Variants in CAMKV observed in about 807,000 individuals in gnomAD.
CAMKV encodes the protein CaM kinase like vesicle associated, also known as caM kinase-like vesicle-associated protein.
Under a neutral mutation model 50.2 loss-of-function variants are expected in CAMKV, and 5 were observed. The ratio of observed to expected loss-of-function variants is 0.10; its 90% CI spans 0.05 to 0.21. CAMKV has a LOEUF of 0.21. CAMKV is among the 10% of genes least tolerant of loss of function. CAMKV has a pLI of 1.00. For synonymous variants in CAMKV, 229 were observed against 250.1 expected (o/e 0.92, Z 0.80); for missense variants, 361 against 650.5 (o/e 0.55, Z 4.84).
At position 49,861,266 on chromosome 3, in the gene CAMKV, T is replaced by C; in HGVS notation, c.476A>G (p.Asn159Ser). 7 of 1,614,008 alleles carry C rather than the reference T, an allele frequency of 4.3e-6. No individual in the cohort carries two copies. Among genetic ancestry groups the C allele is most frequent in the Non-Finnish European group, 5.9e-6 (7 of 1,179,986 alleles). ...GAAGTCACTGATGACAATCTTCGAG[T>C]TCTTCAGCCGGTTGTAGTAAACCAG... Reference protein sequence around the residue: ...ENLVYYNRLKNSKIVISDFHL... With the variant: ...ENLVYYNRLKSSKIVISDFHL... The change falls in exon 6 of 11, where the codon AAC (asparagine) becomes AGC (serine). Residue 159 changes from asparagine to serine, a missense_variant. Physicochemically the swap from Asn to Ser is conservative, Grantham distance 46. Coordinates refer to ENST00000477224, the MANE Select transcript of CAMKV (RefSeq NM_024046.5). The surrounding 1 kb of genome is among the most constrained non-coding windows in gnomAD (Gnocchi z 7.7).
chr3:49,859,605 C>T lies in CAMKV; in HGVS notation c.1219G>A (p.Asp407Asn), dbSNP rs756893325. 9 of 1,614,028 alleles carry T rather than the reference C, an allele frequency of 5.6e-6. No individual in the cohort carries two copies. Among genetic ancestry groups the T allele is most frequent in the Admixed American group, 3.3e-5 (2 of 60,016 alleles). ...ATDGSVTPAT[D>N]GSITPATDGS... Reference sequence around the variant, plus strand: ...TCAGTGGCTGGAGTGATGCTTCCATCGGTGGCTGGGGTGACACTGCCATCA... The same window carrying T: ...TCAGTGGCTGGAGTGATGCTTCCATTGGTGGCTGGGGTGACACTGCCATCA... Residue 407 changes from aspartate to asparagine, a missense_variant, in exon 11 of 11, where the codon GAT becomes AAT. Around this residue, in one of 4 missense-constraint regions of CAMKV, gnomAD observed 27 missense variants for 59.9 expected, o/e 0.45. Coordinates refer to ENST00000477224, the MANE Select transcript of CAMKV (RefSeq NM_024046.5). This position sits in a 1 kb window ranked among gnomAD's most constrained non-coding sequence, Gnocchi z 5.5.
Position 49,859,871 on chromosome 3 carries a change from C to T in CAMKV, c.953G>A (p.Arg318Gln), listed in dbSNP as rs1191733979. The T allele has an allele frequency of 2.6e-6, 4 of 1,511,710 alleles. No individual in the cohort carries two copies. Among genetic ancestry groups the T allele is most frequent in the African/African-American group, 1.4e-5 (1 of 71,964 alleles). 93.6% of individuals were successfully genotyped at this position (1,511,710 alleles called of 1,614,324 possible). ...GAGCCGTTTCATGAGGGTGGTCACTCGGACAGCCTTCTGAAAGGAGCACAG... is the reference window on the plus strand; with the variant it reads ...GAGCCGTTTCATGAGGGTGGTCACTTGGACAGCCTTCTGAAAGGAGCACAG... ...FARAKWKKAV[R>Q]VTTLMKRLRA... Residue 318 changes from arginine to glutamine, a missense_variant, in exon 11 of 11, where the codon CGA (arginine) becomes CAA (glutamine). This residue lies in a region of CAMKV where 172 missense variants were observed against 414.3 expected (regional missense o/e 0.42). Transcript: ENST00000477224. This position sits in a 1 kb window ranked among gnomAD's most constrained non-coding sequence, Gnocchi z 5.5.
rs765497129 is a variant in CAMKV at position 49,862,251 on chromosome 3, C to T, written c.95+43G>A. On this transcript the variant is annotated intron_variant, in intron 2 of 10. Transcript: ENST00000477224. The surrounding 1 kb of genome is among the most constrained non-coding windows in gnomAD (Gnocchi z 5.2). ...TCCACTGCCACTTCCCTAGCCCCTG[C>T]TCACCAGCCCACCCAGCCTTGCCTG... The T allele has an allele frequency of 2.4e-5, 39 of 1,614,018 alleles. No homozygotes were observed. The highest frequency in any genetic ancestry group is 1.3e-5 in the African/African-American group (1 of 74,946).
rs1559455721 is a variant in CAMKV, at chr3:49,859,628, T to C, written c.1196A>G (p.Asp399Gly). 1.2e-6 allele frequency: 2 copies of C among 1,613,948 alleles called. No homozygotes were observed. Among genetic ancestry groups the C allele is most frequent in the Non-Finnish European group, 1.7e-6 (2 of 1,179,996 alleles). The change falls in exon 11 of 11, where the codon GAT (aspartate) becomes GGT (glycine). Residue 399 changes from aspartate to glycine, a missense_variant. Transcript: ENST00000477224. This position sits in a 1 kb window ranked among gnomAD's most constrained non-coding sequence, Gnocchi z 5.5. Reference protein sequence around the residue: ...ATDGSATPATDGSVTPATDGS... With the variant: ...ATDGSATPATGGSVTPATDGS... ...ATCGGTGGCTGGGGTGACACTGCCA[T>C]CAGTGGCTGGGGTGGCACTTCCATC...
rs2082087257 is a variant in CAMKV at position 49,869,175 on chromosome 3, G to A, written c.-15+583C>T. On this transcript the variant is annotated intron_variant, in intron 1 of 10. Transcript: ENST00000477224. The surrounding 1 kb of genome is among the most constrained non-coding windows in gnomAD (Gnocchi z 5.2). ...CGCACCTCCCAGCAGGAACATGTGC[G>A]CCCCCACCCCCACCGTGCACGTGGG... Among the ~76,000 whole-genome samples, 1 of 152,120 alleles carries A rather than the reference G, an allele frequency of 6.6e-6. No homozygotes were observed.
chr3:49,859,329 C>T lies in CAMKV; in HGVS notation c.1495G>A (p.Glu499Lys). Residue 499 changes from glutamate (E) to lysine (K), a missense_variant, in exon 11 of 11, where the codon GAG (glutamate) becomes AAG (lysine). Glu to Lys is a moderately conservative substitution (Grantham distance 56). Transcript: ENST00000477224. This position sits in a 1 kb window ranked among gnomAD's most constrained non-coding sequence, Gnocchi z 5.5. ...ACCAGGCTGCCTACTCAGCTGGCCT[C>T]CTCCCTTTGAGACTCCTGGGCATAA... ...AGYAQESQRE[E>K]AS 1 of 1,529,846 alleles carries T rather than the reference C, an allele frequency of 6.5e-7. No homozygotes were observed. The highest frequency in any genetic ancestry group is 1.4e-5 in the African/African-American group (1 of 72,608). The allele number at this position is 1,529,846 out of a possible 1,614,324, so 94.8% of individuals were successfully genotyped here.
chr3:49,861,880 G>T lies in CAMKV; in HGVS notation c.228-15C>A. On this transcript the variant is annotated splice_polypyrimidine_tract_variant and intron_variant, in intron 3 of 10. Coordinates refer to ENST00000477224, the MANE Select transcript of CAMKV (RefSeq NM_024046.5). This position sits in a 1 kb window ranked among gnomAD's most constrained non-coding sequence, Gnocchi z 7.7. Reference sequence around the variant, plus strand: ...GATGCTTCACCCTGGCGACAGGGAGGGGAGCCAGTAGTTAGGGCTGGATGA... The same window carrying T: ...GATGCTTCACCCTGGCGACAGGGAGTGGAGCCAGTAGTTAGGGCTGGATGA... The T allele has an allele frequency of 6.2e-7, 1 of 1,613,340 alleles. No homozygotes were observed. Among genetic ancestry groups the T allele is most frequent in the South Asian group, 1.1e-5 (1 of 91,026 alleles).
At chr3:49,865,740 A>G (rs1013394710) in intron 1 of CAMKV, among the ~76,000 whole-genome samples, 1 of 152,178 alleles carries the variant, frequency 6.6e-6, no homozygotes, top group African/African-American at 2.4e-5. Context: ...ATTGTCCAAA[A>G]CAATCCTGAT....
At chr3:49,865,764 A>C (rs951691186) in intron 1 of CAMKV, among the ~76,000 whole-genome samples, 3 of 152,172 alleles carry the variant, frequency 2.0e-5, no homozygotes, top group South Asian at 4.1e-4. Flanking sequence ...CGAAGGCCAG[A>C]CTCAAAATGG....
In CAMKV at chr3:49,860,509, G is replaced by A. The variant is rs760041827; in HGVS notation, c.816C>T (p.Asp272=). ...TGGCCTCTTCTGCAGTGATCCGCTG[G>A]TCTTGCTCCACCTCCATCAGCCTTG... ...LVTRLMEVEQ[D]QRITAEEAIS... is the part of the protein sequence containing the mutation. The change falls in exon 9 of 11, where the codon GAC becomes GAT. Residue 272 remains aspartate, a synonymous_variant. Coordinates refer to ENST00000477224, the MANE Select transcript of CAMKV (RefSeq NM_024046.5). The surrounding 1 kb of genome is among the most constrained non-coding windows in gnomAD (Gnocchi z 6.1). 7 of 1,613,560 alleles carry A rather than the reference G, an allele frequency of 4.3e-6. No individual in the cohort carries two copies. In the East Asian group the frequency reaches 1.3e-4, roughly 31 times the overall value.
rs937501499 is a variant in CAMKV at position 49,862,383 on chromosome 3, C to T, written c.6G>A (p.Pro2=). 12 of 1,614,020 alleles carry T rather than the reference C, an allele frequency of 7.4e-6. No homozygotes were observed. Among genetic ancestry groups the T allele is most frequent in the South Asian group, 4.4e-5 (4 of 91,096 alleles). ...TGTCGCCCAGAGTCACACACCCAAA[C>T]GGCATTGCCAGGCTCTAACCTGCGG... M[P]FGCVTLGDKK... is the part of the protein sequence containing the mutation. Residue 2 remains proline, a synonymous_variant, in exon 2 of 11, where the codon CCG becomes CCA. Coordinates refer to ENST00000477224, the MANE Select transcript of CAMKV (RefSeq NM_024046.5). The surrounding 1 kb of genome is among the most constrained non-coding windows in gnomAD (Gnocchi z 5.2).
rs767234385 is a variant in CAMKV, at chr3:49,861,162, G to C, written c.562+18C>G. Reference sequence around the variant, plus strand: ...TGCCCCCCATTATCCCCCTGCCCCTGCCCCACCCCCTGCTTGCCCAGATAC... The same window carrying C: ...TGCCCCCCATTATCCCCCTGCCCCTCCCCCACCCCCTGCTTGCCCAGATAC... On this transcript the variant is annotated intron_variant, in intron 6 of 10. Coordinates refer to ENST00000477224, the MANE Select transcript of CAMKV (RefSeq NM_024046.5). The surrounding 1 kb of genome is among the most constrained non-coding windows in gnomAD (Gnocchi z 7.7). 5 of 1,599,276 alleles carry C rather than the reference G, an allele frequency of 3.1e-6. No individual in the cohort carries two copies. The highest frequency in any genetic ancestry group is 3.4e-6 in the Non-Finnish European group (4 of 1,172,014).
At chr3:49,868,683 A>C (rs913682044) in intron 1 of CAMKV, among the ~76,000 whole-genome samples, 2 of 152,216 alleles carry the variant, frequency 1.3e-5, no homozygotes, top group African/African-American at 2.4e-5. Context: ...CAGTTGAGGA[A>C]ACTGAGGCTC....
In CAMKV at chr3:49,859,549, G is replaced by A. The variant is rs1198804600; in HGVS notation, c.1275C>T (p.Ser425=). ...CTCTCCCATCAGTGGCTGGAGTAGC[G>A]CTCCTGTCAGTGGCTGGGGTGACAC... ...DGSVTPATDR[S]ATPATDGRAT... Residue 425 remains serine, a synonymous_variant, in exon 11 of 11, where the codon AGC becomes AGT. Transcript: ENST00000477224. The surrounding 1 kb of genome is among the most constrained non-coding windows in gnomAD (Gnocchi z 5.5). 8 of 1,613,958 alleles carry A rather than the reference G, an allele frequency of 5.0e-6. No homozygotes were observed. Among genetic ancestry groups the A allele is most frequent in the Admixed American group, 3.3e-5 (2 of 59,996 alleles).
At position 49,860,918 on chromosome 3, in the gene CAMKV, C is replaced by T; in HGVS notation, c.638+25G>A. On this transcript the variant is annotated intron_variant, in intron 7 of 10. Transcript: ENST00000477224. This position sits in a 1 kb window ranked among gnomAD's most constrained non-coding sequence, Gnocchi z 6.1. ...TGCCCCCACCCCATCTGACTGCAAG[C>T]CTGCTTGTCCATCTGTCCACTCACA... is the stretch of plus-strand genomic sequence containing the variant. The T allele has an allele frequency of 6.2e-7, 1 of 1,613,924 alleles. No individual in the cohort carries two copies. The highest frequency in any genetic ancestry group is 8.5e-7 in the Non-Finnish European group (1 of 1,179,874).
At chr3:49,863,347 T>C (rs2108331029) in intron 1 of CAMKV, 1 of 152,356 alleles carries the variant, frequency 6.6e-6, no homozygotes, top group East Asian at 1.9e-4. Flanking sequence ...TTTCTTTTCT[T>C]TTCTTTTCTT....
chr3:49,862,242 T>C lies in CAMKV; in HGVS notation c.95+52A>G. On this transcript the variant is annotated intron_variant, in intron 2 of 10. Transcript: ENST00000477224. The surrounding 1 kb of genome is among the most constrained non-coding windows in gnomAD (Gnocchi z 5.2). ...CAGCTGCACTCCACTGCCACTTCCC[T>C]AGCCCCTGCTCACCAGCCCACCCAG... The C allele has an allele frequency of 6.2e-7, 1 of 1,614,120 alleles. No homozygotes were observed. Among genetic ancestry groups the C allele is most frequent in the Non-Finnish European group, 8.5e-7 (1 of 1,180,006 alleles).
At position 49,861,307 on chromosome 3, in the gene CAMKV, T is replaced by C. The variant is rs1343776991; in HGVS notation, c.442-7A>G. ...AGTAAACCAGGTTCTCCAGCTGTGG[T>C]GTGAGAATAGCATGTGGGTGAGCAG... On this transcript the variant is annotated splice_polypyrimidine_tract_variant and splice_region_variant and intron_variant, in intron 5 of 10. Coordinates refer to ENST00000477224, the MANE Select transcript of CAMKV (RefSeq NM_024046.5). This position sits in a 1 kb window ranked among gnomAD's most constrained non-coding sequence, Gnocchi z 7.7. 6.2e-7 allele frequency: 1 copy of C among 1,614,040 alleles called. No homozygotes were observed. The highest frequency in any genetic ancestry group is 1.1e-5 in the South Asian group (1 of 91,072).
intron 1 of CAMKV, among the ~76,000 whole-genome samples, chr3:49,867,894 C>G (rs998485456): frequency 1.9e-4 from 29 of 152,282 alleles, no homozygotes; most frequent in African/African-American, 6.7e-4. Context: ...CGGATGGGTG[C>G]CCAGCAGAGC....
Sources: allele counts gnomAD v4.1 joint callset (sites outside exome capture counted in the v4.1 genomes callset), GRCh38; gene constraint gnomAD v4.1.1; regional missense constraint gnomAD v4.1.1; non-coding constraint Gnocchi (gnomAD v3.1); transcripts MANE v1.5; gene names NCBI Gene and HGNC (gene_info 2026-07-23, HGNC 2026-07-21).